The following ATL2 variants were observed in gnomAD, a reference collection of about 807,000 sequenced individuals.
ATL2 encodes atlastin GTPase 2, also known as atlastin-2.
In ATL2, 31 loss-of-function variants were observed where a neutral mutation model predicts 73.9. The ratio of observed to expected loss-of-function variants is 0.42; its 90% CI spans 0.32 to 0.57. ATL2 has a LOEUF of 0.57. ATL2 is among the 20% of genes least tolerant of loss of function. The pLI, the probability that ATL2 is intolerant of heterozygous loss-of-function variation, is 0.14. For synonymous variants in ATL2, 291 were observed against 237.5 expected (o/e 1.23, Z -2.07); for missense variants, 738 against 702.6 (o/e 1.05, Z -0.57).
intron 2 of ATL2, among the ~76,000 whole-genome samples, chr2:38,325,270 A>C (rs550079242): frequency 1.4e-4 from 21 of 152,316 alleles, no homozygotes; most frequent in African/African-American, 4.8e-4. Flanking sequence ...CTTAGATCAA[A>C]GAATTGAGAT....
intron 2 of ATL2, among the ~76,000 whole-genome samples, chr2:38,331,141 CA>C: frequency 6.7e-6 from 1 of 150,122 alleles, no homozygotes; most frequent in East Asian, 1.9e-4. Context: ...TACTAACATA[CA>C]AAAAAAAACT....
intron 2 of ATL2, among the ~76,000 whole-genome samples, chr2:38,331,999 G>A (rs1320729800): frequency 6.6e-6 from 1 of 152,108 alleles, no homozygotes. Flanking sequence ...GCCATAAAAA[G>A]TACTGATACA....
Position 38,318,842 on chromosome 2 carries a change from C to A in ATL2, c.498+43G>T, listed in dbSNP as rs1034142775. ...TTGATTTTTAATACTGGAAAATAGC[C>A]CAAGAAAGAATACAGGGTAGAAAAG... On this transcript the variant is annotated intron_variant, in intron 3 of 12. Coordinates refer to ENST00000378954, the MANE Select transcript of ATL2 (RefSeq NM_001135673.4). 1.9e-6 allele frequency: 3 copies of A among 1,583,732 alleles called. No homozygotes were observed. The East Asian group carries it at 6.7e-5, about 36-fold the overall frequency.
At chr2:38,363,634 C>G (rs1366119443) in intron 1 of ATL2, among the ~76,000 whole-genome samples, 1 of 152,126 alleles carries the variant, frequency 6.6e-6, no homozygotes, top group Non-Finnish European at 1.5e-5. Context: ...AAATGTGTAA[C>G]TCACTGTTTC....
chr2:38,339,158 G>A (rs889925406), intron 2 of ATL2, among the ~76,000 whole-genome samples: 1 of 152,182 alleles, frequency 6.6e-6, no homozygotes, highest in African/African-American at 2.4e-5. Flanking sequence ...GGAGGTTGCA[G>A]TGAGCCGAGA....
At chr2:38,306,345 A>T (rs1667446203) in intron 9 of ATL2, among the ~76,000 whole-genome samples, 1 of 152,232 alleles carries the variant, frequency 6.6e-6, no homozygotes, top group Non-Finnish European at 1.5e-5. Context: ...CTACTCAACT[A>T]TTCCAAAAAC....
chr2:38,315,436 G>T, intron 4 of ATL2, 102 bp from the exon 5 acceptor site: 1 of 1,196,814 alleles, frequency 8.4e-7, no homozygotes. Context: ...TTGTATCTCA[G>T]CGCAAAGGAA....
chr2:38,350,317 T>C (rs780242309), intron 1 of ATL2, among the ~76,000 whole-genome samples: 1 of 152,204 alleles, frequency 6.6e-6, no homozygotes, highest in African/African-American at 2.4e-5. Context: ...CACCTAAAGA[T>C]GATCACCTGC....
intron 9 of ATL2, among the ~76,000 whole-genome samples, chr2:38,308,457 GA>G (rs1241771240): frequency 1.3e-5 from 2 of 152,224 alleles, no homozygotes; most frequent in African/African-American, 4.8e-5. Context: ...TAGAGTCTAG[GA>G]AAGGTAGTCA....
rs755029194 is a variant in ATL2 at position 38,337,486 on chromosome 2, C to CAAAAAAAAAAAAAAAAAAAA, written c.363+5762_363+5781dup. ...TGGCGACAGAACAAGACTCTGTCTCCAAAAAAAAAAAAAAAAAAAAAAAAA... is the reference window on the plus strand; with the variant it reads ...TGGCGACAGAACAAGACTCTGTCTCCAAAAAAAAAAAAAAAAAAAAAAAAAAAAAAAAAAAAAAAAAAAAA... On this transcript the variant is annotated intron_variant, in intron 2 of 12. Transcript: ENST00000378954. Among the ~76,000 whole-genome samples, 16 of 21,658 alleles carry CAAAAAAAAAAAAAAAAAAAA rather than the reference C, an allele frequency of 7.4e-4. 1 individual carries two copies. Among genetic ancestry groups the CAAAAAAAAAAAAAAAAAAAA allele is most frequent in the South Asian group, 3.3e-3 (1 of 300 alleles). The allele number at this position is 21,658 out of a possible 152,430, so 14.2% of individuals were successfully genotyped here.
intron 1 of ATL2, among the ~76,000 whole-genome samples, chr2:38,351,139 T>A (rs543017561): frequency 6.8e-6 from 1 of 146,590 alleles, no homozygotes; most frequent in South Asian, 2.1e-4. Flanking sequence ...TTCAGTCTAT[T>A]CAGTCTACTT....
At chr2:38,340,692 T>G (rs1418115315) in intron 2 of ATL2, among the ~76,000 whole-genome samples, 1 of 152,190 alleles carries the variant, frequency 6.6e-6, no homozygotes, top group Non-Finnish European at 1.5e-5. Context: ...ACTACCCCAT[T>G]ATTTCTCCTT....
chr2:38,369,636 C>A (rs1671550670), intron 1 of ATL2, among the ~76,000 whole-genome samples: 1 of 151,614 alleles, frequency 6.6e-6, no homozygotes, highest in African/African-American at 2.4e-5. Flanking sequence ...CTGTAAGTCC[C>A]AGCTACTCAG....
chr2:38,316,151 C>A (rs1312495041), intron 4 of ATL2, among the ~76,000 whole-genome samples: 1 of 152,160 alleles, frequency 6.6e-6, no homozygotes, highest in Non-Finnish European at 1.5e-5. Flanking sequence ...ACAATCTGTT[C>A]TAGGAGCAAA....
intron 9 of ATL2, among the ~76,000 whole-genome samples, chr2:38,303,188 G>A (rs1186604206): frequency 6.6e-6 from 1 of 152,056 alleles, no homozygotes; most frequent in Non-Finnish European, 1.5e-5. Flanking sequence ...ACATACTGAA[G>A]AATGCATCCA....
chr2:38,369,917 C>T (rs867030587), intron 1 of ATL2, among the ~76,000 whole-genome samples: 38 of 148,190 alleles, frequency 2.6e-4, no homozygotes, highest in African/African-American at 8.5e-4. Flanking sequence ...TTTGGGAAGC[C>T]GAGGCAGGTG....
chr2:38,360,354 C>G (rs1670943561), intron 1 of ATL2, among the ~76,000 whole-genome samples: 2 of 151,440 alleles, frequency 1.3e-5, no homozygotes, highest in African/African-American at 4.9e-5. Flanking sequence ...GGCACAATCA[C>G]AGCTCACTGT....
chr2:38,319,433 T>C (rs2148438041), intron 2 of ATL2, among the ~76,000 whole-genome samples: 1 of 151,992 alleles, frequency 6.6e-6, no homozygotes, highest in South Asian at 2.1e-4. Context: ...ACGCCATCTT[T>C]ACAAAAAGTA....
rs1490345811 is a variant in ATL2, at chr2:38,295,777, C to T, written c.*217G>A. On this transcript the variant is annotated 3_prime_UTR_variant, in exon 13 of 13. Transcript: ENST00000378954. ...ACATGGCACAAAGGTGCATGATTAA[C>T]CAATGCTCCTCAGTCCATCTGCATG... 2.5e-6 allele frequency: 1 copy of T among 408,060 alleles called. No individual in the cohort carries two copies. The highest frequency in any genetic ancestry group is 2.1e-5 in the African/African-American group (1 of 48,566). 25.3% of individuals were successfully genotyped at this position (408,060 alleles called of 1,614,324 possible).
Sources: gnomAD v4.1 joint callset for allele counts (sites outside exome capture counted in the v4.1 genomes callset) on GRCh38, gnomAD v4.1.1 for gene constraint, MANE v1.5 for transcripts, NCBI Gene and HGNC (gene_info 2026-07-23, HGNC 2026-07-21) for gene names.